TIAM2: variants seen among roughly 807,000 people sequenced by gnomAD.
The protein encoded by TIAM2 is TIAM Rac1 associated GEF 2.
In TIAM2, 80 loss-of-function variants were observed where a neutral mutation model predicts 152.9. The ratio of observed to expected loss-of-function variants is 0.52; its 90% CI spans 0.44 to 0.63. The LOEUF is 0.63. TIAM2 is among the 30% of genes least tolerant of loss of function. The pLI, the probability that TIAM2 is intolerant of heterozygous loss-of-function variation, is 0.00. For synonymous variants in TIAM2, 804 were observed against 838.0 expected (o/e 0.96, Z 0.70); for missense variants, 1,965 against 2,120.1 (o/e 0.93, Z 1.44).
chr6:155,007,098 C>T (rs1001027519), intron 1 of TIAM2, among the ~76,000 whole-genome samples: 5 of 152,168 alleles, frequency 3.3e-5, no homozygotes, highest in East Asian at 1.9e-4. Flanking sequence ...GCTTTTTGAT[C>T]GTACTTTGAG....
intron 2 of TIAM2, among the ~76,000 whole-genome samples, chr6:155,125,310 T>C (rs537185082): frequency 6.6e-6 from 1 of 152,082 alleles, no homozygotes; most frequent in East Asian, 1.9e-4. Context: ...CCTAAGAAGA[T>C]ATACAGTAGC....
At chr6:155,245,038 G>A (rs1296718198) in intron 18 of TIAM2, among the ~76,000 whole-genome samples, 2 of 152,164 alleles carry the variant, frequency 1.3e-5, no homozygotes, top group African/African-American at 4.8e-5. Context: ...GACCACGTAC[G>A]TGCTCTTTTC....
intron 16 of TIAM2, 73 bp from the exon 17 acceptor site, chr6:155,243,938 T>C: frequency 8.1e-7 from 1 of 1,231,334 alleles, no homozygotes; most frequent in South Asian, 1.2e-5. Context: ...TGCTGCCAGG[T>C]TGCTGCTACC....
intron 1 of TIAM2, among the ~76,000 whole-genome samples, chr6:155,023,322 G>A (rs1398174145): frequency 1.3e-5 from 2 of 152,156 alleles, no homozygotes; most frequent in Admixed American, 6.5e-5. Flanking sequence ...ACTCTGCCAC[G>A]AGGGCGGTTG....
intron 15 of TIAM2, among the ~76,000 whole-genome samples, chr6:155,227,683 G>C (rs969330271): frequency 6.6e-6 from 1 of 152,244 alleles, no homozygotes; most frequent in Non-Finnish European, 1.5e-5. Context: ...AAGGTACGAT[G>C]TTAGAAATCT....
intron 1 of TIAM2, among the ~76,000 whole-genome samples, chr6:155,070,603 A>G (rs957703734): frequency 6.6e-6 from 1 of 152,014 alleles, no homozygotes; most frequent in African/African-American, 2.4e-5. Flanking sequence ...TCATTTAAAA[A>G]TTTTTCTAGT....
At chr6:155,086,596 A>G (rs1778174901) in intron 1 of TIAM2, among the ~76,000 whole-genome samples, 2 of 151,164 alleles carry the variant, frequency 1.3e-5, no homozygotes, top group South Asian at 4.2e-4. Flanking sequence ...AATCCCGGCT[A>G]CTCAGGAGGC....
At chr6:155,065,160 G>T (rs560260301) in intron 1 of TIAM2, among the ~76,000 whole-genome samples, 119 of 152,136 alleles carry the variant, frequency 7.8e-4, no homozygotes, top group African/African-American at 2.8e-3. Flanking sequence ...CACCGTGTTG[G>T]CCAGGCTGGT....
intron 15 of TIAM2, among the ~76,000 whole-genome samples, chr6:155,235,081 C>T (rs545489353): frequency 1.8e-4 from 28 of 151,836 alleles, no homozygotes; most frequent in Admixed American, 2.0e-4. Context: ...GAGAGGGGAA[C>T]GGGCCCTGTG....
At chr6:155,029,547 T>TTATATATACTATATA (rs1562295321) in intron 1 of TIAM2, among the ~76,000 whole-genome samples, 100 of 53,314 alleles carry the variant, frequency 1.9e-3, no homozygotes, top group Non-Finnish European at 2.6e-3. Context: ...ATATATATTA[T>TTATATATACTATATA]GTAGTATAAA....
Position 155,099,644 on chromosome 6 carries a change from G to A in TIAM2, c.-118+9265G>A, listed in dbSNP as rs137973741. 9.4e-3 allele frequency among the ~76,000 whole-genome samples: 1,439 copies of A among 152,284 alleles called. 18 individuals are homozygous for A. The highest frequency in any genetic ancestry group is 0.032 in the African/African-American group (1,316 of 41,544). On this transcript the variant is annotated intron_variant, in intron 2 of 26. Transcript: ENST00000682666. The stretch of plus-strand genomic sequence containing the variant: ...TTCATAACAGTGTTGTGAGGTGATA[G>A]CATTGAAGTTATTAACGCTATGGCT...
chr6:155,226,827 C>T lies in TIAM2; in HGVS notation c.3169-13703C>T, dbSNP rs1043096411. Among the ~76,000 whole-genome samples the T allele has an allele frequency of 2.0e-5, 3 of 152,232 alleles. No individual in the cohort carries two copies. In the South Asian group the frequency reaches 6.2e-4, roughly 31 times the overall value. On this transcript the variant is annotated intron_variant, in intron 15 of 26. Transcript: ENST00000682666. ...AGAGCCCGTGCCCCTGTGTGTCTGT[C>T]CCCATCAGTGAAACTGGGGCTTGGT...
intron 2 of TIAM2, among the ~76,000 whole-genome samples, chr6:155,102,848 T>C (rs1449791889): frequency 6.6e-6 from 1 of 151,586 alleles, no homozygotes; most frequent in East Asian, 1.9e-4. Context: ...ATTAAGAAAA[T>C]TTGCAAGAAT....
intron 2 of TIAM2, among the ~76,000 whole-genome samples, chr6:155,118,330 A>G (rs963753231): frequency 6.6e-6 from 1 of 151,934 alleles, no homozygotes; most frequent in Non-Finnish European, 1.5e-5. Flanking sequence ...GGGATCCAGC[A>G]AGTGGTTATG....
chr6:155,074,996 C>T (rs1467569865), intron 1 of TIAM2, among the ~76,000 whole-genome samples: 1 of 151,320 alleles, frequency 6.6e-6, no homozygotes, highest in Non-Finnish European at 1.5e-5. Context: ...CGATGCAATT[C>T]TGGATAAGTC....
intron 1 of TIAM2, among the ~76,000 whole-genome samples, chr6:155,052,349 A>AT (rs1416516872): frequency 6.6e-6 from 1 of 152,234 alleles, no homozygotes. Flanking sequence ...AATATTTCAT[A>AT]TTAACATACA....
At chr6:155,123,064 C>A (rs1054394723) in intron 2 of TIAM2, among the ~76,000 whole-genome samples, 1 of 152,070 alleles carries the variant, frequency 6.6e-6, no homozygotes, top group African/African-American at 2.4e-5. Context: ...AGAAAAATAT[C>A]TGTTCAATTT....
In TIAM2 at chr6:155,254,004, C is replaced by G; in HGVS notation, c.4257C>G (p.Ile1419Met). The G allele has an allele frequency of 6.2e-7, 1 of 1,614,054 alleles. No individual in the cohort carries two copies. The change falls in exon 25 of 27, where the codon ATC becomes ATG. Residue 1419 changes from isoleucine (I) to methionine (M), a missense_variant. Ile to Met is a conservative substitution (Grantham distance 10). This residue lies in a region of TIAM2 where 935 missense variants were observed against 980.0 expected (regional missense o/e 0.95). Transcript: ENST00000682666. ...AAAATAATTCCATATGGGAACTGAT[C>G]CATACGAAGTCAGAAATAGAAGGAC... ...GTENNSIWELIHTKSEIEGRP... is the reference protein window; with the variant it reads ...GTENNSIWELMHTKSEIEGRP...
chr6:155,055,214 G>A (rs1205805336), intron 1 of TIAM2, among the ~76,000 whole-genome samples: 6 of 152,142 alleles, frequency 3.9e-5, no homozygotes, highest in African/African-American at 1.4e-4. Context: ...CTAAGCTTTT[G>A]TCTTACTCCT....
Sources: allele counts gnomAD v4.1 joint callset (sites outside exome capture counted in the v4.1 genomes callset), GRCh38; gene constraint gnomAD v4.1.1; regional missense constraint gnomAD v4.1.1; transcripts MANE v1.5; gene names NCBI Gene and HGNC (gene_info 2026-07-23, HGNC 2026-07-21).